Variants in SFTPB observed in about 807,000 individuals in gnomAD.
SFTPB encodes pulmonary surfactant-associated protein B.
SFTPB carries 32 observed loss-of-function variants against 51.0 expected under a neutral mutation model. That is an observed-to-expected ratio of 0.63 (90% confidence interval 0.47 to 0.84). The LOEUF is 0.84. Among genes scored for constraint, SFTPB ranks in the 40% least tolerant of loss-of-function variants. The pLI is 0.00. For synonymous variants in SFTPB, 211 were observed against 208.5 expected (o/e 1.01, Z -0.10); for missense variants, 431 against 491.2 (o/e 0.88, Z 1.16).
chr2:85,661,621 C>G, intron 9 of SFTPB, 86 bp from the exon 10 acceptor site: 1 of 1,101,078 alleles, frequency 9.1e-7, no homozygotes, highest in Admixed American at 2.0e-5. Flanking sequence ...AGCACTCACT[C>G]CACCTCCCGC....
chr2:85,667,090 A>T lies in SFTPB; in HGVS notation c.267+16T>A. 1 of 1,594,476 alleles carries T rather than the reference A, an allele frequency of 6.3e-7. No individual in the cohort carries two copies. The highest frequency in any genetic ancestry group is 8.6e-7 in the Non-Finnish European group (1 of 1,162,066). ...TCTTGGGCCCCAACCTTCATCCAGG[A>T]TCTGGGCATCATTACCTGGAAAATG... On this transcript the variant is annotated intron_variant, in intron 3 of 10. Coordinates refer to ENST00000519937, the MANE Select transcript of SFTPB (RefSeq NM_000542.5).
rs1677687817 is a variant in SFTPB at position 85,667,107 on chromosome 2, T to C, written c.266A>G (p.Gln89Arg). Residue 89 changes from glutamine to arginine, a missense_variant and splice_region_variant, in exon 3 of 11, where the codon CAG becomes CGG. Gln to Arg is a conservative substitution (Grantham distance 43). Coordinates refer to ENST00000519937, the MANE Select transcript of SFTPB (RefSeq NM_000542.5). ...LNKMAKEAIF[Q>R]DTMRKFLEQE... is the part of the protein sequence containing the mutation. Reference sequence around the variant, plus strand: ...CATCCAGGATCTGGGCATCATTACCTGGAAAATGGCCTCCTTGGCCATCTT... The same window carrying C: ...CATCCAGGATCTGGGCATCATTACCCGGAAAATGGCCTCCTTGGCCATCTT... 2 of 1,610,342 alleles carry C rather than the reference T, an allele frequency of 1.2e-6. No homozygotes were observed. Among genetic ancestry groups the C allele is most frequent in the Non-Finnish European group, 1.7e-6 (2 of 1,176,698 alleles).
intron 10 of SFTPB, among the ~76,000 whole-genome samples, chr2:85,660,023 C>T (rs1215874259): frequency 6.6e-6 from 1 of 152,156 alleles, no homozygotes; most frequent in Non-Finnish European, 1.5e-5. Flanking sequence ...GGCTTCCCCG[C>T]CTCAGATGGA....
intron 3 of SFTPB, 42 bp from the exon 4 acceptor site, chr2:85,666,784 T>C (rs776619250): frequency 1.2e-6 from 2 of 1,612,814 alleles, no homozygotes; most frequent in Non-Finnish European, 1.7e-6. Context: ...CTCTCTGAGG[T>C]CTACCCCGCC....
intron 2 of SFTPB, 117 bp downstream of exon 2, chr2:85,667,562 C>T: frequency 2.3e-6 from 3 of 1,291,000 alleles, no homozygotes; most frequent in South Asian, 2.4e-5. Context: ...TTCATCTCAT[C>T]CCATTTCATC....
At position 85,666,663 on chromosome 2, in the gene SFTPB, A is replaced by G; in HGVS notation, c.347T>C (p.Leu116Pro). Residue 116 changes from leucine to proline, a missense_variant, in exon 4 of 11, where the codon CTT becomes CCT. Physicochemically the swap from Leu to Pro is moderately conservative, Grantham distance 98. Coordinates refer to ENST00000519937, the MANE Select transcript of SFTPB (RefSeq NM_000542.5). The part of the protein sequence containing the change: ...KLLMPQCNQV[L>P]DDYFPLVIDY... ...GATGACCAGGGGGAAGTAGTCGTCA[A>G]GCACTTGGTTGCACTGGGGCATGAG... 1 of 1,613,870 alleles carries G rather than the reference A, an allele frequency of 6.2e-7. No individual in the cohort carries two copies.
chr2:85,668,288 C>T, upstream of SFTPB: 6 of 1,101,736 alleles, frequency 5.4e-6, no homozygotes, highest in Admixed American at 1.0e-4. Context: ...TTTGTCTTTG[C>T]TCTGAAGAGC....
intron 4 of SFTPB, 144 bp downstream of exon 4, chr2:85,666,473 G>C (rs1677631717): frequency 2.5e-6 from 2 of 785,172 alleles, no homozygotes. Context: ...CTGTGTGTTT[G>C]TGTCTGGCCG....
chr2:85,668,393 C>A (rs1304296862), upstream of SFTPB: 15 of 610,396 alleles, frequency 2.5e-5, no homozygotes, highest in Non-Finnish European at 4.5e-5. Context: ...CCTCCTTTGC[C>A]CCCTGCCCAG....
intron 4 of SFTPB, 25 bp downstream of exon 4, chr2:85,666,592 C>G (rs777092158): frequency 1.2e-6 from 2 of 1,611,130 alleles, no homozygotes; most frequent in Non-Finnish European, 1.7e-6. Context: ...GGGAGGCAGG[C>G]AGGAGGTGAG....
chr2:85,667,554 C>A, intron 2 of SFTPB, 125 bp downstream of exon 2: 2 of 1,226,082 alleles, frequency 1.6e-6, no homozygotes, highest in Non-Finnish European at 2.4e-6. Context: ...TATCTCATTT[C>A]ATCTCATCCC....
rs768281373 is a variant in SFTPB, at chr2:85,665,250, C to T, written c.672+39G>A. On this transcript the variant is annotated intron_variant, in intron 6 of 10. Coordinates refer to ENST00000519937, the MANE Select transcript of SFTPB (RefSeq NM_000542.5). ...GGAGCTGCAGGGAGCTACAGGTATG[C>T]GTGTGCTCCTGGGCTCTGTGAGGCC... 2.5e-5 allele frequency: 35 copies of T among 1,416,478 alleles called. No individual in the cohort carries two copies. In the African/African-American group the frequency reaches 2.5e-4, roughly 10 times the overall value. 87.7% of individuals were successfully genotyped at this position (1,416,478 alleles called of 1,614,324 possible). A position where few individuals can be genotyped will look rare whatever the true frequency, so the allele number is the denominator to read the frequency against.
Position 85,667,781 on chromosome 2 carries a change from G to C in SFTPB, c.93C>G (p.Ala31=). The C allele has an allele frequency of 6.2e-7, 1 of 1,614,288 alleles. No individual in the cohort carries two copies. Among genetic ancestry groups the C allele is most frequent in the Non-Finnish European group, 8.5e-7 (1 of 1,180,054 alleles). ...ACCAGAACTCAGGGCCCTGGGCACA[G>C]GCCAAGGATGAGGTGGTCCAGGCAG... ...GTAAWTTSSL[A]CAQGPEFWCQ... is the part of the protein sequence containing the mutation. The change falls in exon 2 of 11, where the codon GCC becomes GCG. Residue 31 remains alanine, a synonymous_variant. Transcript: ENST00000519937.
rs944278241 is a variant in SFTPB at position 85,667,527 on chromosome 2, C to T, written c.195+152G>A. 28 of 1,021,408 alleles carry T rather than the reference C, an allele frequency of 2.7e-5. No homozygotes were observed. The African/African-American group carries it at 3.6e-4, about 13-fold the overall frequency. 63.3% of individuals were successfully genotyped at this position (1,021,408 alleles called of 1,614,324 possible). On this transcript the variant is annotated intron_variant, in intron 2 of 10. Coordinates refer to ENST00000519937, the MANE Select transcript of SFTPB (RefSeq NM_000542.5). ...TGTCATCGTATCCCATCGCATCCAT[C>T]CCATTCCATTTTATCCTATCTCATT...
rs977179589 is a variant in SFTPB at position 85,666,522 on chromosome 2, T to G, written c.393+95A>C. On this transcript the variant is annotated intron_variant, in intron 4 of 10. Coordinates refer to ENST00000519937, the MANE Select transcript of SFTPB (RefSeq NM_000542.5). ...GTGTGTGTGTGTGTGTGTGTGTGTG[T>G]CTGGCTGGCTGGGGTGCTGTGTGTG... 211 of 1,246,694 alleles carry G rather than the reference T, an allele frequency of 1.7e-4. 1 individual carries two copies. Among genetic ancestry groups the G allele is most frequent in the African/African-American group, 1.2e-3 (78 of 64,836 alleles). The allele number at this position is 1,246,694 out of a possible 1,614,324, so 77.2% of individuals were successfully genotyped here. A position where few individuals can be genotyped will look rare whatever the true frequency, so the allele number is the denominator to read the frequency against.
chr2:85,664,936 T>G (rs1304456255), intron 6 of SFTPB, among the ~76,000 whole-genome samples: 1 of 152,208 alleles, frequency 6.6e-6, no homozygotes, highest in Non-Finnish European at 1.5e-5. Flanking sequence ...TCTTGAAAGA[T>G]CAAAGCAACC....
intron 10 of SFTPB, chr2:85,661,097 C>T: frequency 4.3e-6 from 1 of 230,728 alleles, no homozygotes; most frequent in South Asian, 6.0e-5. Context: ...TTCCCTGAGC[C>T]CCAGGAAAGC....
chr2:85,666,968 C>T, intron 3 of SFTPB, 138 bp downstream of exon 3: 1 of 953,944 alleles, frequency 1.0e-6, no homozygotes, highest in South Asian at 1.4e-5. Context: ...TGCTCCCAGC[C>T]AGGAGGAGCT....
intron 10 of SFTPB, among the ~76,000 whole-genome samples, chr2:85,660,698 G>C (rs1449193264): frequency 1.3e-5 from 2 of 151,718 alleles, no homozygotes; most frequent in African/African-American, 2.4e-5. Context: ...CAGGTGATCT[G>C]CCTGCCTCGG....
Sources: allele counts gnomAD v4.1 joint callset (sites outside exome capture counted in the v4.1 genomes callset), GRCh38; gene constraint gnomAD v4.1.1; transcripts MANE v1.5; gene names NCBI Gene and HGNC (gene_info 2026-07-23, HGNC 2026-07-21).